The following CERS4 variants were observed in gnomAD, a reference collection of about 807,000 sequenced individuals.
CERS4 encodes the protein LAG1 homolog, ceramide synthase 4.
In CERS4, 65 loss-of-function variants were observed where a neutral mutation model predicts 51.8. The ratio of observed to expected loss-of-function variants is 1.26; its 90% CI spans 1.03 to 1.54. The LOEUF is 1.54. Ranked by LOEUF, CERS4 falls within the 40% of genes most tolerant of loss-of-function variation. CERS4 has a pLI of 0.00. For missense variants in CERS4, 563 were observed against 500.4 expected (o/e 1.13, Z -1.19); for synonymous variants, 228 against 208.4 (o/e 1.09, Z -0.81).
intron 2 of CERS4, among the ~76,000 whole-genome samples, chr19:8,235,969 G>T (rs933265295): frequency 2.0e-5 from 3 of 152,110 alleles, no homozygotes; most frequent in Admixed American, 2.0e-4. Context: ...GCCGAGGCGG[G>T]CAGATCACGA....
At chr19:8,245,122 A>AAAAAAACAAAAAAAAACAAAAAAAAAC (rs1968713517) in intron 2 of CERS4, among the ~76,000 whole-genome samples, 1 of 129,258 alleles carries the variant, frequency 7.7e-6, no homozygotes, top group East Asian at 2.2e-4. Context: ...AAAAAAAAAA[A>AAAAAAACAAAAAAAAACAAAAAAAAAC]AAAAAAAAAA....
intron 1 of CERS4, 193 bp downstream of exon 1, chr19:8,209,687 C>G (rs62126383): frequency 0.037 from 5,686 of 152,570 alleles, 149 homozygotes; most frequent in South Asian, 0.058. Flanking sequence ...TATCCGCGCT[C>G]CCCCACGAGG....
intron 2 of CERS4, among the ~76,000 whole-genome samples, chr19:8,235,506 C>T (rs180809683): frequency 1.7e-3 from 258 of 150,854 alleles, no homozygotes; most frequent in African/African-American, 5.9e-3. Context: ...TTTGGGAGGC[C>T]GAGGGAGGTG....
intron 2 of CERS4, among the ~76,000 whole-genome samples, chr19:8,229,471 G>A (rs1009207526): frequency 6.6e-6 from 1 of 151,460 alleles, no homozygotes; most frequent in African/African-American, 2.4e-5. Flanking sequence ...AGTTCAGTGC[G>A]ATCCCAGCTC....
chr19:8,255,519 G>A, intron 4 of CERS4, 88 bp from the exon 5 acceptor site: 1 of 1,153,880 alleles, frequency 8.7e-7, no homozygotes, highest in South Asian at 1.4e-5. Context: ...GCCTGCAGTG[G>A]AGAGGGCAGA....
intron 2 of CERS4, among the ~76,000 whole-genome samples, chr19:8,228,220 A>G (rs1468831159): frequency 3.9e-5 from 6 of 152,050 alleles, no homozygotes; most frequent in Non-Finnish European, 8.8e-5. Context: ...GTGTGAGCCA[A>G]CGTGCCCTGC....
intron 2 of CERS4, among the ~76,000 whole-genome samples, chr19:8,230,760 A>G (rs1001618833): frequency 1.3e-5 from 2 of 152,206 alleles, no homozygotes; most frequent in Admixed American, 1.3e-4. Flanking sequence ...CCAATGCGCT[A>G]TCAAGCCCAA....
At chr19:8,261,612 C>G (rs998274814) in intron 10 of CERS4, 76 bp from the exon 11 acceptor site, 2 of 1,552,178 alleles carry the variant, frequency 1.3e-6, no homozygotes, top group Non-Finnish European at 1.8e-6. Flanking sequence ...GAAGGCCATG[C>G]CAGTTAGAAA....
At chr19:8,227,964 C>T (rs1018928936) in intron 2 of CERS4, among the ~76,000 whole-genome samples, 2 of 152,082 alleles carry the variant, frequency 1.3e-5, no homozygotes, top group Non-Finnish European at 2.9e-5. Flanking sequence ...TGGGTTCAAG[C>T]GATTCTCCTA....
intron 8 of CERS4, 53 bp from the exon 9 acceptor site, chr19:8,256,896 G>T: frequency 6.8e-6 from 11 of 1,612,926 alleles, no homozygotes; most frequent in Non-Finnish European, 9.3e-6. Flanking sequence ...CATAGGGTGG[G>T]GGACCTTCCA....
At chr19:8,245,126 A>ACAAAAAAAACAAAAAAAAAACAAAC (rs1555777241) in intron 2 of CERS4, among the ~76,000 whole-genome samples, 2 of 148,128 alleles carry the variant, frequency 1.4e-5, no homozygotes, top group African/African-American at 2.5e-5. Context: ...AAAAAAAAAA[A>ACAAAAAAAACAAAAAAAAAACAAAC]AAAAAAAAAC....
chr19:8,229,016 C>A (rs1967900044), intron 2 of CERS4, among the ~76,000 whole-genome samples: 1 of 147,780 alleles, frequency 6.8e-6, no homozygotes, highest in Non-Finnish European at 1.5e-5. Flanking sequence ...GGTGAGACTT[C>A]ATCTAAAAAA....
At chr19:8,222,535 G>A (rs369717627) in intron 2 of CERS4, among the ~76,000 whole-genome samples, 4 of 151,166 alleles carry the variant, frequency 2.6e-5, no homozygotes, top group African/African-American at 9.7e-5. Flanking sequence ...TTTTGCTCTT[G>A]TTGCCCAGGC....
intron 2 of CERS4, among the ~76,000 whole-genome samples, chr19:8,221,872 G>GTTTTTTTTTTTTTTT (rs71165297): frequency 7.6e-5 from 3 of 39,466 alleles, no homozygotes; most frequent in Non-Finnish European, 9.5e-5. Flanking sequence ...ATTTTTTTAT[G>GTTTTTTTTTTTTTTT]TTTTTTTTTT....
In CERS4 at chr19:8,243,207, A is replaced by T. The variant is rs900027623; in HGVS notation, c.-1-7869A>T. Among the ~76,000 whole-genome samples, 305 of 147,952 alleles carry T rather than the reference A, an allele frequency of 2.1e-3. 1 individual carries two copies. Among genetic ancestry groups the T allele is most frequent in the Non-Finnish European group, 4.1e-3 (277 of 67,564 alleles). On this transcript the variant is annotated intron_variant, in intron 2 of 11. Transcript: ENST00000251363. ...AGACCCTGTCTCTAAAAAAAAAAAA[A>T]AAAAAAAAAAAAAAAATAGGGGATT...
At chr19:8,257,293 C>T in intron 9 of CERS4, 1 of 557,206 alleles carries the variant, frequency 1.8e-6, no homozygotes. Context: ...CCCTTCTTGG[C>T]TTCCTTGGGC....
rs936654137 is a variant in CERS4 at position 8,221,537 on chromosome 19, CT to C, written c.-2+10685del. 7.7e-4 allele frequency among the ~76,000 whole-genome samples: 114 copies of C among 148,810 alleles called. 1 individual carries two copies. The highest frequency in any genetic ancestry group is 6.2e-3 in the South Asian group (29 of 4,674). The stretch of plus-strand genomic sequence containing the variant: ...TAAACAAACAATGTGAGCCTTTTAA[CT>C]TTTTTTTTTCTTATTTTTTTTTTTT... On this transcript the variant is annotated intron_variant, in intron 2 of 11. Transcript: ENST00000251363.
chr19:8,255,837 C>T lies in CERS4; in HGVS notation c.426C>T (p.Phe142=). 6.2e-7 allele frequency: 1 copy of T among 1,613,980 alleles called. No homozygotes were observed. Among genetic ancestry groups the T allele is most frequent in the Non-Finnish European group, 8.5e-7 (1 of 1,180,016 alleles). The change falls in exon 6 of 12, where the codon TTC becomes TTT. Residue 142 remains phenylalanine, a synonymous_variant. Transcript: ENST00000251363. The part of the protein sequence containing the change: ...KFCEASWRFL[F]YLSSFVGGLS... ...CCATCCACAGCTGGAGGTTTCTCTT[C>T]TACCTGTCCTCCTTCGTGGGCGGCC...
rs1279500438 is a variant in CERS4 at position 8,261,676 on chromosome 19, C to T, written c.849-12C>T. The T allele has an allele frequency of 1.2e-6, 2 of 1,613,852 alleles. No homozygotes were observed. The highest frequency in any genetic ancestry group is 2.2e-5 in the South Asian group (2 of 91,068). On this transcript the variant is annotated splice_polypyrimidine_tract_variant and intron_variant, in intron 10 of 11. Coordinates refer to ENST00000251363, the MANE Select transcript of CERS4 (RefSeq NM_024552.3). ...GTCAAACCCCAGCCTCCTCCTCTCC[C>T]CCTGGCTGTAGGATCCTCTACACCA...
Sources: gnomAD v4.1 joint callset for allele counts (sites outside exome capture counted in the v4.1 genomes callset) on GRCh38, gnomAD v4.1.1 for gene constraint, MANE v1.5 for transcripts, NCBI Gene and HGNC (gene_info 2026-07-23, HGNC 2026-07-21) for gene names.